Variants in CUX1 observed in about 807,000 individuals in gnomAD.
CUX1 encodes protein CASP.
CUX1 carries 31 observed loss-of-function variants against 158.8 expected under a neutral mutation model. The observed-to-expected ratio is 0.20, with a 90% CI of 0.15 to 0.26. The LOEUF (loss-of-function observed/expected upper bound fraction) is 0.26. Among genes scored for constraint, CUX1 ranks in the 10% least tolerant of loss-of-function variants. The probability of loss-of-function intolerance (pLI) is 1.00; values close to 1 mark genes in which losing one functional copy is unlikely to be tolerated. For synonymous variants in CUX1, 879 were observed against 862.1 expected (o/e 1.02, Z -0.34); for missense variants, 1,589 against 2,014.6 (o/e 0.79, Z 4.04).
chr7:101,971,465 T>C (rs1585131610), intron 2 of CUX1, among the ~76,000 whole-genome samples: 1 of 152,094 alleles, frequency 6.6e-6, no homozygotes, highest in Non-Finnish European at 1.5e-5. Flanking sequence ...CTGGGCAACA[T>C]AGGGAGACCC....
chr7:102,003,376 G>T (rs559371216), intron 2 of CUX1, among the ~76,000 whole-genome samples: 1 of 151,024 alleles, frequency 6.6e-6, no homozygotes, highest in African/African-American at 2.4e-5. Flanking sequence ...AGTTGTGTTC[G>T]TTGTTTTCTT....
intron 2 of CUX1, among the ~76,000 whole-genome samples, chr7:101,939,293 G>A (rs763743831): frequency 2.9e-4 from 44 of 151,534 alleles, no homozygotes; most frequent in African/African-American, 4.6e-4. Context: ...TTCACTTAGC[G>A]CAGTGGATTT....
chr7:102,002,640 C>T (rs970053340), intron 2 of CUX1, among the ~76,000 whole-genome samples: 2 of 152,178 alleles, frequency 1.3e-5, no homozygotes, highest in Admixed American at 6.5e-5. Context: ...CTCCCCTGTT[C>T]TATCGAGTCT....
At chr7:101,878,127 A>G (rs887154245) in intron 1 of CUX1, among the ~76,000 whole-genome samples, 14 of 152,230 alleles carry the variant, frequency 9.2e-5, no homozygotes, top group Middle Eastern at 3.2e-3. Context: ...TCATGATTGC[A>G]CTAATTATAT....
In CUX1 at chr7:102,139,014, G is replaced by T. The variant is rs1245614643; in HGVS notation, c.675-19546G>T. 2.0e-5 allele frequency among the ~76,000 whole-genome samples: 3 copies of T among 152,036 alleles called. No individual in the cohort carries two copies. In the East Asian group the frequency reaches 5.8e-4, roughly 29 times the overall value. ...AATCTCAGCACTTTGGGAGATCAAGGCAGGCGGATCATTTGAGGTCAGGAG... is the reference window on the plus strand; with the variant it reads ...AATCTCAGCACTTTGGGAGATCAAGTCAGGCGGATCATTTGAGGTCAGGAG... On this transcript the variant is annotated intron_variant, in intron 8 of 23. Transcript: ENST00000292535.
At chr7:102,057,313 A>G (rs1435172012) in intron 3 of CUX1, among the ~76,000 whole-genome samples, 1 of 152,242 alleles carries the variant, frequency 6.6e-6, no homozygotes, top group African/African-American at 2.4e-5. Flanking sequence ...CACAACCTGC[A>G]TTCTACAGCA....
chr7:101,858,146 C>T (rs111925413), intron 1 of CUX1, among the ~76,000 whole-genome samples: 1 of 152,256 alleles, frequency 6.6e-6, no homozygotes, highest in African/African-American at 2.4e-5. Context: ...ACAGAACATA[C>T]TATTTTTGTT....
chr7:101,985,551 T>C (rs1053303622), intron 2 of CUX1, among the ~76,000 whole-genome samples: 1 of 152,214 alleles, frequency 6.6e-6, no homozygotes, highest in African/African-American at 2.4e-5. Flanking sequence ...TGGAGACTTG[T>C]TGCCAGATTT....
At chr7:102,065,177 G>A (rs542655577) in intron 3 of CUX1, among the ~76,000 whole-genome samples, 1 of 152,124 alleles carries the variant, frequency 6.6e-6, no homozygotes, top group South Asian at 2.1e-4. Context: ...GAACCCCTGG[G>A]CCCAAGCGAT....
At chr7:102,138,725 G>C (rs1834148585) in intron 8 of CUX1, among the ~76,000 whole-genome samples, 1 of 152,058 alleles carries the variant, frequency 6.6e-6, no homozygotes, top group African/African-American at 2.4e-5. Flanking sequence ...AAAGTTATAT[G>C]GATTTTCAAC....
intron 3 of CUX1, among the ~76,000 whole-genome samples, chr7:102,069,195 C>T (rs946751770): frequency 6.6e-6 from 1 of 152,194 alleles, no homozygotes; most frequent in Non-Finnish European, 1.5e-5. Flanking sequence ...TCCCTGCCCC[C>T]TCCTGTGCTC....
intron 3 of CUX1, among the ~76,000 whole-genome samples, chr7:102,059,682 C>T (rs1281206387): frequency 1.3e-5 from 2 of 151,296 alleles, no homozygotes; most frequent in Non-Finnish European, 2.9e-5. Context: ...GGCCTGCGTA[C>T]GTGTCTGTTT....
chr7:101,817,246 G>A, upstream of CUX1: 1 of 984,808 alleles, frequency 1.0e-6, no homozygotes, highest in South Asian at 4.7e-5. The surrounding 1 kb of genome is among the most constrained non-coding windows in gnomAD (Gnocchi z 4.1). Flanking sequence ...CGATCGCCGC[G>A]CGCCTGGGGG....
chr7:102,206,802 G>A (rs183098083), intron 20 of CUX1, among the ~76,000 whole-genome samples: 85 of 152,278 alleles, frequency 5.6e-4, no homozygotes, highest in African/African-American at 1.9e-3. Flanking sequence ...AGGAGGCTGA[G>A]GCAGGAGAAT....
chr7:102,031,287 G>A (rs1185554437), intron 3 of CUX1, among the ~76,000 whole-genome samples: 2 of 152,094 alleles, frequency 1.3e-5, no homozygotes, highest in African/African-American at 2.4e-5. Flanking sequence ...TCAAACTCCT[G>A]ACCTCAAGTG....
chr7:101,862,815 A>G (rs1172909689), intron 1 of CUX1, among the ~76,000 whole-genome samples: 4 of 152,008 alleles, frequency 2.6e-5, no homozygotes, highest in Non-Finnish European at 4.4e-5. Flanking sequence ...GAGCTCAGAG[A>G]GGATAAAGAC....
chr7:102,006,972 C>T (rs1817449449), intron 2 of CUX1, among the ~76,000 whole-genome samples: 2 of 152,140 alleles, frequency 1.3e-5, no homozygotes, highest in Non-Finnish European at 1.5e-5. Flanking sequence ...ATTTCGCCAG[C>T]GCGGGCCTCC....
At chr7:102,065,108 G>A (rs1825395527) in intron 3 of CUX1, among the ~76,000 whole-genome samples, 1 of 151,900 alleles carries the variant, frequency 6.6e-6, no homozygotes, top group African/African-American at 2.4e-5. Context: ...TTAAGACAGG[G>A]TCTCACTTGG....
rs370097036 is a variant in CUX1 at position 102,068,063 on chromosome 7, C to T, written c.190-2276C>T. 9.9e-5 allele frequency among the ~76,000 whole-genome samples: 15 copies of T among 151,836 alleles called. 1 individual carries two copies. In the East Asian group the frequency reaches 2.4e-3, roughly 24 times the overall value. On this transcript the variant is annotated intron_variant, in intron 3 of 23. Transcript: ENST00000292535. ...TATTGTTCTGAGATTCTACTCAACACCAAATTCACAACCTTGTTTTTTGTT... is the reference window on the plus strand; with the variant it reads ...TATTGTTCTGAGATTCTACTCAACATCAAATTCACAACCTTGTTTTTTGTT...
Sources: gnomAD v4.1 joint callset for allele counts (sites outside exome capture counted in the v4.1 genomes callset) on GRCh38, gnomAD v4.1.1 for gene constraint, Gnocchi (gnomAD v3.1) non-coding constraint, MANE v1.5 for transcripts, NCBI Gene and HGNC (gene_info 2026-07-23, HGNC 2026-07-21) for gene names.